KPNA3: variants seen among roughly 807,000 people sequenced by gnomAD.
KPNA3 encodes importin subunit alpha-4.
Under a neutral mutation model 73.8 loss-of-function variants are expected in KPNA3, and 13 were observed. The ratio of observed to expected loss-of-function variants is 0.18; its 90% confidence interval spans 0.11 to 0.28. The LOEUF is 0.28. KPNA3 is among the 10% of genes least tolerant of loss of function. KPNA3 has a pLI of 1.00. For missense variants in KPNA3, 360 were observed against 618.1 expected (o/e 0.58, Z 4.43); for synonymous variants, 186 against 206.9 (o/e 0.90, Z 0.87).
chr13:49,702,339 AG>A, intron 16 of KPNA3, 46 bp downstream of exon 16: 1 of 964,144 alleles, frequency 1.0e-6, no homozygotes. Flanking sequence ...CATCATGTAT[AG>A]GTTTTCATTT....
At chr13:49,776,696 A>G (rs986823798) in intron 1 of KPNA3, among the ~76,000 whole-genome samples, 1 of 152,212 alleles carries the variant, frequency 6.6e-6, no homozygotes, top group African/African-American at 2.4e-5. Flanking sequence ...GATCATTCCC[A>G]AAATATTTAT....
At chr13:49,713,156 G>A (rs751692579) in intron 10 of KPNA3, among the ~76,000 whole-genome samples, 17 of 152,046 alleles carry the variant, frequency 1.1e-4, no homozygotes, top group Non-Finnish European at 2.4e-4. Flanking sequence ...AAGACGACCA[G>A]TAGAATTTAA....
intron 14 of KPNA3, 147 bp from the exon 15 acceptor site, chr13:49,705,930 A>G: frequency 1.1e-6 from 1 of 952,070 alleles, no homozygotes. Flanking sequence ...GCCTGTGAAT[A>G]GCAACTGCAC....
At chr13:49,773,523 C>T (rs1021359807) in intron 1 of KPNA3, among the ~76,000 whole-genome samples, 2 of 151,604 alleles carry the variant, frequency 1.3e-5, no homozygotes, top group East Asian at 1.9e-4. Context: ...ACACTTGGGG[C>T]GGCTGATAAA....
intron 15 of KPNA3, among the ~76,000 whole-genome samples, chr13:49,703,460 G>A (rs984903107): frequency 1.2e-4 from 18 of 152,176 alleles, no homozygotes; most frequent in African/African-American, 3.9e-4. Context: ...GATTACAGGA[G>A]TGAGCCACTG....
intron 2 of KPNA3, among the ~76,000 whole-genome samples, chr13:49,735,794 T>C (rs968268521): frequency 1.3e-5 from 2 of 152,212 alleles, no homozygotes; most frequent in African/African-American, 4.8e-5. Context: ...TTTTACTAGG[T>C]TGAACCACAT....
At chr13:49,786,577 C>A (rs1260979650) in intron 1 of KPNA3, among the ~76,000 whole-genome samples, 1 of 152,038 alleles carries the variant, frequency 6.6e-6, no homozygotes, top group Non-Finnish European at 1.5e-5. Context: ...ATGAAGGAGT[C>A]TCACTGAAGA....
intron 9 of KPNA3, 152 bp from the exon 10 acceptor site, chr13:49,719,971 T>C: frequency 1.8e-6 from 1 of 558,748 alleles, no homozygotes; most frequent in Non-Finnish European, 3.1e-6. Flanking sequence ...AATGAAAACC[T>C]GATAAATTCA....
chr13:49,762,167 C>T (rs1214107566), intron 1 of KPNA3, among the ~76,000 whole-genome samples: 1 of 149,710 alleles, frequency 6.7e-6, no homozygotes, highest in Non-Finnish European at 1.5e-5. Flanking sequence ...GGGCAGCCCC[C>T]GCCCGGCCAG....
intron 1 of KPNA3, among the ~76,000 whole-genome samples, chr13:49,757,883 G>T (rs1440724483): frequency 6.6e-6 from 1 of 152,122 alleles, no homozygotes; most frequent in Non-Finnish European, 1.5e-5. Context: ...CATAAATACT[G>T]TACGAGCATC....
intron 10 of KPNA3, among the ~76,000 whole-genome samples, chr13:49,713,667 AC>A (rs1566334930): frequency 7.3e-5 from 11 of 151,692 alleles, no homozygotes; most frequent in Non-Finnish European, 1.2e-4. Flanking sequence ...ACACACACAC[AC>A]ACACACAAAA....
At chr13:49,789,576 A>G (rs1955016393) in intron 1 of KPNA3, among the ~76,000 whole-genome samples, 1 of 152,184 alleles carries the variant, frequency 6.6e-6, no homozygotes, top group African/African-American at 2.4e-5. Context: ...AATAGGCATC[A>G]TAGCTTATCA....
At chr13:49,734,303 G>A (rs965877129) in intron 2 of KPNA3, among the ~76,000 whole-genome samples, 3 of 152,024 alleles carry the variant, frequency 2.0e-5, no homozygotes, top group Non-Finnish European at 2.9e-5. Flanking sequence ...ACTTTAAAAC[G>A]TTCACAACTA....
At chr13:49,763,749 C>A (rs1471287921) in intron 1 of KPNA3, among the ~76,000 whole-genome samples, 2 of 152,092 alleles carry the variant, frequency 1.3e-5, no homozygotes, top group Non-Finnish European at 2.9e-5. Context: ...GCCTGGCCAA[C>A]TTGGTGAAAC....
At chr13:49,784,048 T>C (rs1315535941) in intron 1 of KPNA3, among the ~76,000 whole-genome samples, 3 of 149,334 alleles carry the variant, frequency 2.0e-5, no homozygotes, top group Non-Finnish European at 3.0e-5. Context: ...AGGACAGGAG[T>C]TCAAGACCAG....
intron 1 of KPNA3, among the ~76,000 whole-genome samples, chr13:49,753,356 C>A (rs566378286): frequency 6.6e-6 from 1 of 152,130 alleles, no homozygotes; most frequent in African/African-American, 2.4e-5. Flanking sequence ...AAATGTGAAT[C>A]AAGGACTTTA....
chr13:49,745,415 A>G (rs1476533075), intron 2 of KPNA3, among the ~76,000 whole-genome samples: 2 of 140,126 alleles, frequency 1.4e-5, no homozygotes, highest in African/African-American at 5.2e-5. Context: ...GCTGGAGTGT[A>G]GTGGCGTGAC....
intron 7 of KPNA3, among the ~76,000 whole-genome samples, chr13:49,723,734 G>T (rs1217043275): frequency 6.6e-6 from 1 of 151,700 alleles, no homozygotes; most frequent in African/African-American, 2.4e-5. Context: ...GCTGGACATG[G>T]TGGTGTGTGC....
chr13:49,735,652 T>A (rs1203255311), intron 2 of KPNA3, among the ~76,000 whole-genome samples: 2 of 152,184 alleles, frequency 1.3e-5, no homozygotes, highest in Non-Finnish European at 2.9e-5. Flanking sequence ...GGAACTTACC[T>A]AATTTCAACA....
Sources: gnomAD v4.1 joint callset for allele counts (sites outside exome capture counted in the v4.1 genomes callset) on GRCh38, gnomAD v4.1.1 for gene constraint, MANE v1.5 for transcripts, NCBI Gene and HGNC (gene_info 2026-07-23, HGNC 2026-07-21) for gene names.